The following TIMP2 variants were observed in gnomAD, a reference collection of about 807,000 sequenced individuals.
TIMP2 encodes metalloproteinase inhibitor 2.
A neutral mutation model predicts 24.3 loss-of-function variants in TIMP2; 5 were observed. That is an observed-to-expected ratio of 0.21 (90% CI 0.11 to 0.43). The LOEUF (loss-of-function observed/expected upper bound fraction) is 0.43, where lower values mean the gene tolerates loss of function less well. Ranked by LOEUF, TIMP2 falls within the 20% of genes least tolerant of loss-of-function variation. TIMP2 has a pLI of 1.00. For missense variants in TIMP2, 221 were observed against 297.5 expected (o/e 0.74, Z 1.89); for synonymous variants, 130 against 123.2 (o/e 1.06, Z -0.37).
At position 78,896,767 on chromosome 17, in the gene TIMP2, C is replaced by G. The variant is rs1208268101; in HGVS notation, c.131-22848G>C. On this transcript the variant is annotated intron_variant, in intron 1 of 4. Coordinates refer to ENST00000262768, the MANE Select transcript of TIMP2 (RefSeq NM_003255.5). The surrounding 1 kb of genome is among the most constrained non-coding windows in gnomAD (Gnocchi z 4.4). ...CACCAATCTGGCCTCCGGACGGCACCAGGGCCTCCCACAGAGCGGAGTGGA... is the reference window on the plus strand; with the variant it reads ...CACCAATCTGGCCTCCGGACGGCACGAGGGCCTCCCACAGAGCGGAGTGGA... Among the ~76,000 whole-genome samples the G allele has an allele frequency of 6.6e-6, 1 of 152,148 alleles. No individual in the cohort carries two copies. The highest frequency in any genetic ancestry group is 2.4e-5 in the African/African-American group (1 of 41,434).
In TIMP2 at chr17:78,896,952, A is replaced by G; in HGVS notation, c.131-23033T>C. The G allele has an allele frequency of 1.0e-6, 1 of 985,264 alleles. No individual in the cohort carries two copies. Among genetic ancestry groups the G allele is most frequent in the Non-Finnish European group, 1.2e-6 (1 of 829,896 alleles). The allele number at this position is 985,264 out of a possible 1,614,324, so 61.0% of individuals were successfully genotyped here. On this transcript the variant is annotated intron_variant, in intron 1 of 4. Coordinates refer to ENST00000262768, the MANE Select transcript of TIMP2 (RefSeq NM_003255.5). The surrounding 1 kb of genome is among the most constrained non-coding windows in gnomAD (Gnocchi z 4.4). ...CAGCGATTCTCACCAAAGTCAGGCA[A>G]CCTCTGGCCTACAGCTTGAGAATGA...
rs2070329913 is a variant in TIMP2, at chr17:78,924,025, T to C, written c.130+934A>G. Among the ~76,000 whole-genome samples the C allele has an allele frequency of 6.6e-6, 1 of 152,084 alleles. No individual in the cohort carries two copies. Among genetic ancestry groups the C allele is most frequent in the Non-Finnish European group, 1.5e-5 (1 of 68,012 alleles). On this transcript the variant is annotated intron_variant, in intron 1 of 4. Coordinates refer to ENST00000262768, the MANE Select transcript of TIMP2 (RefSeq NM_003255.5). This position sits in a 1 kb window ranked among gnomAD's most constrained non-coding sequence, Gnocchi z 5.3. ...AGCCAGACTTGCCCCAGGAAAACCATGCTGACCAGCACCAGGGCTGCAGAG... is the reference window on the plus strand; with the variant it reads ...AGCCAGACTTGCCCCAGGAAAACCACGCTGACCAGCACCAGGGCTGCAGAG...
At position 78,892,125 on chromosome 17, in the gene TIMP2, C is replaced by T. The variant is rs1045609565; in HGVS notation, c.131-18206G>A. On this transcript the variant is annotated intron_variant, in intron 1 of 4. Transcript: ENST00000262768. ...GCTGACTGCAGCCTGTCCAGGCCAC[C>T]GACGTGCAGGTGCTGTGCCTCCTGA... The T allele has an allele frequency of 4.5e-6, 7 of 1,551,028 alleles. No individual in the cohort carries two copies. In the South Asian group the frequency reaches 4.8e-5, roughly 11 times the overall value.
rs556691060 is a variant in TIMP2 at position 78,896,032 on chromosome 17, C to T, written c.131-22113G>A. Among the ~76,000 whole-genome samples, 6 of 152,340 alleles carry T rather than the reference C, an allele frequency of 3.9e-5. 1 individual carries two copies. Among genetic ancestry groups the T allele is most frequent in the African/African-American group, 1.2e-4 (5 of 41,584 alleles). ...GTCAGTTTTCCTGGAGACACGCAAA[C>T]GGGTAAAAACTTAACACATTTGGGC... On this transcript the variant is annotated intron_variant, in intron 1 of 4. Coordinates refer to ENST00000262768, the MANE Select transcript of TIMP2 (RefSeq NM_003255.5). The surrounding 1 kb of genome is among the most constrained non-coding windows in gnomAD (Gnocchi z 4.4).
intron 1 of TIMP2, among the ~76,000 whole-genome samples, chr17:78,916,743 G>A (rs898219490): frequency 3.9e-5 from 6 of 152,168 alleles, no homozygotes; most frequent in Non-Finnish European, 7.4e-5. Flanking sequence ...CCCACTGCCA[G>A]GTCCCACTGC....
chr17:78,908,855 A>G (rs1241837038), intron 1 of TIMP2, among the ~76,000 whole-genome samples: 1 of 152,168 alleles, frequency 6.6e-6, no homozygotes, highest in Non-Finnish European at 1.5e-5. Flanking sequence ...CAGGCCAGCA[A>G]TGCTCATCCC....
chr17:78,892,046 T>C (rs2069906225), intron 1 of TIMP2: 1 of 1,550,994 alleles, frequency 6.4e-7, no homozygotes, highest in East Asian at 2.4e-5. Context: ...GATGGGCCCC[T>C]GCGAGTCAGG....
At chr17:78,919,399 G>T (rs562296149) in intron 1 of TIMP2, among the ~76,000 whole-genome samples, 1 of 152,306 alleles carries the variant, frequency 6.6e-6, no homozygotes, top group South Asian at 2.1e-4. Flanking sequence ...TGGGGCAGTT[G>T]GTCCCTTGGC....
At chr17:78,898,844 T>A (rs1349639872) in intron 1 of TIMP2, 1 of 152,242 alleles carries the variant, frequency 6.6e-6, no homozygotes, top group Non-Finnish European at 1.5e-5. Flanking sequence ...TTCATGCAAT[T>A]CTCTTGCCTC....
At position 78,888,310 on chromosome 17, in the gene TIMP2, C is replaced by T. The variant is rs557970665; in HGVS notation, c.131-14391G>A. Among the ~76,000 whole-genome samples, 9 of 152,114 alleles carry T rather than the reference C, an allele frequency of 5.9e-5. No individual in the cohort carries two copies. The South Asian group carries it at 8.3e-4, about 14-fold the overall frequency. On this transcript the variant is annotated intron_variant, in intron 1 of 4. Transcript: ENST00000262768. ...GAGTAGCTGGGATTACAGATGCCAC[C>T]ACCACGCCCGGCTAATTTTTTGTAT...
intron 1 of TIMP2, among the ~76,000 whole-genome samples, chr17:78,907,200 A>G (rs1452099200): frequency 1.3e-5 from 2 of 150,146 alleles, no homozygotes; most frequent in African/African-American, 4.9e-5. Context: ...CACCCAGCTA[A>G]GTTCTTTAAT....
intron 3 of TIMP2, among the ~76,000 whole-genome samples, chr17:78,866,139 G>A (rs1022018768): frequency 5.3e-5 from 8 of 152,174 alleles, no homozygotes; most frequent in African/African-American, 1.9e-4. Flanking sequence ...GTTTAATACA[G>A]GAAAGAACTG....
rs2070298609 is a variant in TIMP2 at position 78,920,178 on chromosome 17, C to G, written c.130+4781G>C. 6.6e-6 allele frequency among the ~76,000 whole-genome samples: 1 copy of G among 152,198 alleles called. No individual in the cohort carries two copies. On this transcript the variant is annotated intron_variant, in intron 1 of 4. Transcript: ENST00000262768. This position sits in a 1 kb window ranked among gnomAD's most constrained non-coding sequence, Gnocchi z 4.5. ...CCGCGCCTCTCAGTCTCCCAGGAGT[C>G]ATCTATGCCCTGTTCTCCATGTGCT...
At chr17:78,872,437 C>T (rs749875367) in intron 2 of TIMP2, among the ~76,000 whole-genome samples, 2 of 152,158 alleles carry the variant, frequency 1.3e-5, no homozygotes, top group Non-Finnish European at 2.9e-5. Context: ...AGGAACGCAC[C>T]TGCTGCCCAG....
chr17:78,900,344 G>A (rs1004255599), intron 1 of TIMP2, among the ~76,000 whole-genome samples: 46 of 152,200 alleles, frequency 3.0e-4, no homozygotes, highest in Middle Eastern at 3.4e-3. Context: ...ACAGGAGTTC[G>A]AGACCAGCCT....
At chr17:78,857,731 G>GGGATTT in intron 3 of TIMP2, 85 bp from the exon 4 acceptor site, 1 of 1,569,704 alleles carries the variant, frequency 6.4e-7, no homozygotes, top group Non-Finnish European at 8.7e-7. Context: ...CAGGGGCGCT[G>GGGATTT]GGATTTCGTT....
intron 4 of TIMP2, chr17:78,857,313 G>A (rs2069531655): frequency 1.6e-6 from 1 of 613,344 alleles, no homozygotes. Context: ...TCAGAGATGT[G>A]CCTCAGGGCT....
intron 3 of TIMP2, among the ~76,000 whole-genome samples, chr17:78,865,381 T>C (rs2069602857): frequency 6.6e-6 from 1 of 152,002 alleles, no homozygotes; most frequent in South Asian, 2.1e-4. Flanking sequence ...TCCCAGCACT[T>C]TGGGAGGCCG....
chr17:78,870,421 AAAAGAAAGAAAG>A (rs374853871), intron 3 of TIMP2, among the ~76,000 whole-genome samples: 2,572 of 68,476 alleles, frequency 0.038, 138 homozygotes, highest in African/African-American at 0.1. Context: ...GTCTCAAAAA[AAAAGAAAGAAAG>A]AAAGAAAGAA....
Sources: allele counts gnomAD v4.1 joint callset (sites outside exome capture counted in the v4.1 genomes callset), GRCh38; gene constraint gnomAD v4.1.1; non-coding constraint Gnocchi (gnomAD v3.1); transcripts MANE v1.5; gene names NCBI Gene and HGNC (gene_info 2026-07-23, HGNC 2026-07-21).